Variants in PALD1 observed in about 807,000 individuals in gnomAD.
PALD1 encodes the protein phosphatase domain containing paladin 1, also known as paladin.
A neutral mutation model predicts 96.0 loss-of-function variants in PALD1; 57 were observed. The observed-to-expected ratio is 0.59, with a 90% CI of 0.48 to 0.74. The LOEUF (loss-of-function observed/expected upper bound fraction) is 0.74, where lower values mean the gene tolerates loss of function less well. Among genes scored for constraint, PALD1 ranks in the 30% least tolerant of loss-of-function variants. The pLI is 0.00. For synonymous variants in PALD1, 464 were observed against 473.6 expected (o/e 0.98, Z 0.26); for missense variants, 1,063 against 1,143.7 (o/e 0.93, Z 1.02).
intron 1 of PALD1, among the ~76,000 whole-genome samples, chr10:70,519,700 G>A (rs1399040243): frequency 6.6e-6 from 1 of 150,824 alleles, no homozygotes; most frequent in Non-Finnish European, 1.5e-5. Flanking sequence ...TTACCCTCCC[G>A]AGTAGCTGGG....
rs1847218540 is a variant in PALD1, at chr10:70,540,465, AGT to A, written c.1909-628_1909-627del. Among the ~76,000 whole-genome samples the A allele has an allele frequency of 6.6e-6, 1 of 151,048 alleles. No individual in the cohort carries two copies. The highest frequency in any genetic ancestry group is 2.4e-5 in the African/African-American group (1 of 40,980). ...GGTCTGTGACTGTGGGTGTCTGTAT[AGT>A]GTGTGTGTTTACCGGACGTGGATCC... On this transcript the variant is annotated intron_variant, in intron 15 of 19. Transcript: ENST00000263563. The surrounding 1 kb of genome is among the most constrained non-coding windows in gnomAD (Gnocchi z 4.2).
the PALD1 span, among the ~76,000 whole-genome samples, chr10:70,469,024 C>A: frequency 1.3e-5 from 2 of 152,136 alleles, no homozygotes; most frequent in Non-Finnish European, 2.9e-5. Flanking sequence ...CCTCTAGCCG[C>A]GGAAGGCACC....
At chr10:70,547,489 C>T in intron 18 of PALD1, 43 bp downstream of exon 18, 1 of 1,398,658 alleles carries the variant, frequency 7.1e-7, no homozygotes, top group South Asian at 1.3e-5. Context: ...CCCAGCCACC[C>T]TTCCAGGTGT....
chr10:70,505,064 A>G (rs1846359049), intron 1 of PALD1, among the ~76,000 whole-genome samples: 1 of 152,238 alleles, frequency 6.6e-6, no homozygotes, highest in African/African-American at 2.4e-5. Flanking sequence ...CAGATCTTCC[A>G]AATGTGGATA....
At chr10:70,534,341 C>A in intron 8 of PALD1, 84 bp from the exon 9 acceptor site, 2 of 913,334 alleles carry the variant, frequency 2.2e-6, no homozygotes, top group South Asian at 1.5e-5. Context: ...TGTCCCCCAG[C>A]GGCCATATGA....
At chr10:70,554,894 T>G (rs1847560616) in intron 18 of PALD1, among the ~76,000 whole-genome samples, 2 of 108,014 alleles carry the variant, frequency 1.9e-5, no homozygotes, top group South Asian at 3.4e-4. Context: ...GAGCAGTGCT[T>G]TTTGAGCCTC....
At chr10:70,556,287 T>TCCCCCC (rs770814027) in intron 18 of PALD1, among the ~76,000 whole-genome samples, 4 of 146,604 alleles carry the variant, frequency 2.7e-5, no homozygotes, top group Non-Finnish European at 3.0e-5. Flanking sequence ...GACCTCTCTC[T>TCCCCCC]CTCTCTCTCT....
intron 1 of PALD1, among the ~76,000 whole-genome samples, chr10:70,504,589 TAAATA>T (rs1248429603): frequency 2.0e-5 from 3 of 152,228 alleles, no homozygotes; most frequent in Non-Finnish European, 2.9e-5. Flanking sequence ...TGTGGTAACA[TAAATA>T]AAATCTATTA....
At chr10:70,513,741 G>A (rs1414178309) in intron 1 of PALD1, among the ~76,000 whole-genome samples, 1 of 152,140 alleles carries the variant, frequency 6.6e-6, no homozygotes, top group African/African-American at 2.4e-5. Context: ...AATTTTCCCA[G>A]TTGTCCTCAA....
chr10:70,564,608 T>G, intron 19 of PALD1, 89 bp downstream of exon 19: 1 of 1,298,138 alleles, frequency 7.7e-7, no homozygotes, highest in Non-Finnish European at 1.1e-6. Flanking sequence ...GTACATGGCC[T>G]GCGGGGACCC....
intron 18 of PALD1, among the ~76,000 whole-genome samples, chr10:70,558,453 A>G (rs1240250374): frequency 6.6e-6 from 1 of 152,142 alleles, no homozygotes; most frequent in Non-Finnish European, 1.5e-5. Context: ...GTTATTACAC[A>G]CCTACTAAGT....
At chr10:70,460,898 T>A in the PALD1 span, among the ~76,000 whole-genome samples, 4 of 151,992 alleles carry the variant, frequency 2.6e-5, no homozygotes, top group African/African-American at 9.7e-5. Flanking sequence ...CTACTAAAAA[T>A]ACAAAAATTA....
chr10:70,543,188 G>A lies in PALD1; in HGVS notation c.2121+1654G>A, dbSNP rs12250708. Among the ~76,000 whole-genome samples, 1,225 of 150,818 alleles carry A rather than the reference G, an allele frequency of 8.1e-3. 16 individuals carry two copies. Among genetic ancestry groups the A allele is most frequent in the African/African-American group, 0.028 (1,166 of 41,050 alleles). Reference sequence around the variant, plus strand: ...CTTTTTATGTGTTTATTGGCCACTTGTATATCTTCTTTGGAGAAATGTCTG... The same window carrying A: ...CTTTTTATGTGTTTATTGGCCACTTATATATCTTCTTTGGAGAAATGTCTG... On this transcript the variant is annotated intron_variant, in intron 17 of 19. Coordinates refer to ENST00000263563, the MANE Select transcript of PALD1 (RefSeq NM_014431.3).
In PALD1 at chr10:70,541,150, C is replaced by T; in HGVS notation, c.1957C>T (p.Pro653Ser). The T allele has an allele frequency of 1.2e-6, 2 of 1,613,584 alleles. No individual in the cohort carries two copies. The highest frequency in any genetic ancestry group is 8.5e-7 in the Non-Finnish European group (1 of 1,179,744). The change falls in exon 16 of 20, where the codon CCA (proline) becomes TCA (serine). Residue 653 changes from proline to serine, a missense_variant. By Grantham distance (74) the Pro-to-Ser change is moderately conservative. Coordinates refer to ENST00000263563, the MANE Select transcript of PALD1 (RefSeq NM_014431.3). Reference sequence around the variant, plus strand: ...CCTGCGGGCCGCCCTCTCCAAGGACCCAGGCACTGGCTTCGTGTTCAGCTG... The same window carrying T: ...CCTGCGGGCCGCCCTCTCCAAGGACTCAGGCACTGGCTTCGTGTTCAGCTG... ...EALRAALSKD[P>S]GTGFVFSCLS...
the PALD1 span, among the ~76,000 whole-genome samples, chr10:70,463,598 C>G: frequency 1.3e-5 from 2 of 152,012 alleles, no homozygotes; most frequent in Non-Finnish European, 2.9e-5. Flanking sequence ...AGATTTGAAC[C>G]CAGATGGATA....
intron 1 of PALD1, among the ~76,000 whole-genome samples, chr10:70,508,854 T>TGTGTGTGTGTGTGTGTGTGTGC (rs1406004914): frequency 2.5e-5 from 3 of 122,354 alleles, no homozygotes; most frequent in Non-Finnish European, 5.5e-5. Context: ...TGTGTGTGTG[T>TGTGTGTGTGTGTGTGTGTGTGC]GTGCAGGCCT....
the PALD1 span, among the ~76,000 whole-genome samples, chr10:70,467,008 A>G: frequency 6.6e-6 from 1 of 152,234 alleles, no homozygotes; most frequent in South Asian, 2.1e-4. Context: ...CCACTCCTGC[A>G]CCCTCTTCAG....
At chr10:70,541,944 T>C (rs986936420) in intron 17 of PALD1, among the ~76,000 whole-genome samples, 2 of 152,252 alleles carry the variant, frequency 1.3e-5, no homozygotes, top group African/African-American at 4.8e-5. Flanking sequence ...ATTAGGGCAC[T>C]GGATGGCCAG....
At chr10:70,542,081 A>G (rs1159363281) in intron 17 of PALD1, among the ~76,000 whole-genome samples, 1 of 152,092 alleles carries the variant, frequency 6.6e-6, no homozygotes, top group African/African-American at 2.4e-5. Context: ...ACCCACAGTC[A>G]GCAGCACAGT....
Sources: gnomAD v4.1 joint callset for allele counts (sites outside exome capture counted in the v4.1 genomes callset) on GRCh38, gnomAD v4.1.1 for gene constraint, Gnocchi (gnomAD v3.1) non-coding constraint, MANE v1.5 for transcripts, NCBI Gene and HGNC (gene_info 2026-07-23, HGNC 2026-07-21) for gene names.